CAMK1D: variants seen among roughly 807,000 people sequenced by gnomAD.
The protein encoded by CAMK1D is calcium/calmodulin-dependent protein kinase type 1D.
CAMK1D carries 9 observed loss-of-function variants against 47.7 expected under a neutral mutation model. The observed-to-expected ratio is 0.19, with a 90% CI of 0.11 to 0.33. The LOEUF (loss-of-function observed/expected upper bound fraction) is 0.33, where lower values mean the gene tolerates loss of function less well. Among genes scored for constraint, CAMK1D ranks in the 10% least tolerant of loss-of-function variants. The pLI is 1.00. For synonymous variants in CAMK1D, 184 were observed against 184.9 expected, an observed-to-expected ratio of 0.99 and a Z score of 0.04; for missense variants, 291 against 488.7, an observed-to-expected ratio of 0.60 and a Z score of 3.81.
chr10:12,407,079 C>T (rs1839460224), intron 1 of CAMK1D, among the ~76,000 whole-genome samples: 1 of 152,208 alleles, frequency 6.6e-6, no homozygotes, highest in South Asian at 2.1e-4. Flanking sequence ...TCTGTCCCTG[C>T]TGCCTATCAC....
At chr10:12,526,683 T>C (rs1208742876) in intron 1 of CAMK1D, among the ~76,000 whole-genome samples, 1 of 152,110 alleles carries the variant, frequency 6.6e-6, no homozygotes, top group Non-Finnish European at 1.5e-5. Flanking sequence ...TTTGGGAGGC[T>C]GAGGTAGGTG....
chr10:12,785,720 CA>C (rs1220087046), intron 5 of CAMK1D, among the ~76,000 whole-genome samples: 2 of 152,216 alleles, frequency 1.3e-5, no homozygotes, highest in African/African-American at 4.8e-5. Flanking sequence ...ACTGGTAACA[CA>C]ACACTGGCCG....
rs34911316 is a variant in CAMK1D at position 12,460,261 on chromosome 10, C to CTT, written c.93-92951_93-92950dup. On this transcript the variant is annotated intron_variant, in intron 1 of 10. Transcript: ENST00000619168. ...TTGTCGTATTTCCTATTTCTCTATTCTTTTTTTTTTTTTTGAAGAGATGGG... is the reference window on the plus strand; with the variant it reads ...TTGTCGTATTTCCTATTTCTCTATTCTTTTTTTTTTTTTTTTGAAGAGATGGG... 6.3e-4 allele frequency among the ~76,000 whole-genome samples: 89 copies of CTT among 142,102 alleles called. 2 individuals carry two copies. The highest frequency in any genetic ancestry group is 3.6e-3 in the Middle Eastern group (1 of 276). 93.2% of individuals were successfully genotyped at this position (142,102 alleles called of 152,430 possible).
At chr10:12,366,506 A>T (rs541951790) in intron 1 of CAMK1D, among the ~76,000 whole-genome samples, 1 of 151,864 alleles carries the variant, frequency 6.6e-6, no homozygotes, top group East Asian at 1.9e-4. Context: ...AATAAAAAAA[A>T]AAATTAGCCA....
chr10:12,424,896 C>T (rs138412067), intron 1 of CAMK1D, among the ~76,000 whole-genome samples: 93 of 152,268 alleles, frequency 6.1e-4, no homozygotes, highest in African/African-American at 2.1e-3. Context: ...ATAGAGGGTC[C>T]GACCATACGA....
chr10:12,797,898 CTG>C (rs781700135), intron 6 of CAMK1D, among the ~76,000 whole-genome samples: 12 of 152,148 alleles, frequency 7.9e-5, no homozygotes, highest in Non-Finnish European at 1.5e-4. Flanking sequence ...TCAAAATACT[CTG>C]GTGTCAGAGA....
intron 3 of CAMK1D, among the ~76,000 whole-genome samples, chr10:12,699,125 G>A (rs1037001267): frequency 6.6e-6 from 1 of 152,084 alleles, no homozygotes; most frequent in African/African-American, 2.4e-5. Flanking sequence ...TTATGGTGGC[G>A]AAGGACTCTC....
intron 3 of CAMK1D, among the ~76,000 whole-genome samples, chr10:12,715,737 T>G (rs2130767977): frequency 6.6e-6 from 1 of 151,448 alleles, no homozygotes; most frequent in East Asian, 1.9e-4. Flanking sequence ...TTTTTTTTTT[T>G]TTTTAGATGA....
At position 12,621,589 on chromosome 10, in the gene CAMK1D, CTTA is replaced by C. The variant is rs1476753269; in HGVS notation, c.225-45144_225-45142del. Among the ~76,000 whole-genome samples, 2 of 147,822 alleles carry C rather than the reference CTTA, an allele frequency of 1.4e-5. 1 individual carries two copies. The highest frequency in any genetic ancestry group is 4.5e-4 in the South Asian group (2 of 4,470). On this transcript the variant is annotated intron_variant, in intron 2 of 10. Transcript: ENST00000619168. ...CTTAGATTTATACCTAAGCATTTTC[CTTA>C]TTTTCAATGATTGTAAATGGCATTT...
chr10:12,818,149 A>G (rs1365722278), intron 8 of CAMK1D, among the ~76,000 whole-genome samples: 3 of 152,142 alleles, frequency 2.0e-5, no homozygotes, highest in South Asian at 2.1e-4. Context: ...GTGCCCCGCC[A>G]TCCTCTGTAG....
intron 3 of CAMK1D, among the ~76,000 whole-genome samples, chr10:12,717,425 A>G (rs1834188370): frequency 6.6e-6 from 1 of 152,176 alleles, no homozygotes; most frequent in South Asian, 2.1e-4. Context: ...TGGAAGAAAA[A>G]TAGGCGAAGT....
At chr10:12,828,334 AC>A in intron 10 of CAMK1D, among the ~76,000 whole-genome samples, 1 of 149,150 alleles carries the variant, frequency 6.7e-6, no homozygotes, top group South Asian at 2.2e-4. Context: ...AAATAGTCAC[AC>A]GGGTAAAAAT....
intron 8 of CAMK1D, among the ~76,000 whole-genome samples, chr10:12,821,180 T>C (rs1832998581): frequency 6.6e-6 from 1 of 152,202 alleles, no homozygotes; most frequent in African/African-American, 2.4e-5. Flanking sequence ...TTCCTGTTTT[T>C]CATGAGGGCC....
intron 2 of CAMK1D, among the ~76,000 whole-genome samples, chr10:12,614,091 C>G (rs1054053881): frequency 9.9e-5 from 15 of 152,090 alleles, no homozygotes; most frequent in Non-Finnish European, 2.1e-4. Flanking sequence ...GTTAAAAGAG[C>G]CAGACTGCCT....
chr10:12,701,561 T>G (rs1336500801), intron 3 of CAMK1D, among the ~76,000 whole-genome samples: 1 of 152,158 alleles, frequency 6.6e-6, no homozygotes, highest in Non-Finnish European at 1.5e-5. Context: ...CGATTTTGTT[T>G]AAGGCAGTGT....
intron 3 of CAMK1D, among the ~76,000 whole-genome samples, chr10:12,687,810 A>C (rs931497451): frequency 6.6e-6 from 1 of 152,214 alleles, no homozygotes; most frequent in South Asian, 2.1e-4. Flanking sequence ...TTTCCTCCCC[A>C]TTGATGAGCT....
intron 2 of CAMK1D, among the ~76,000 whole-genome samples, chr10:12,617,592 G>A (rs183067159): frequency 6.8e-4 from 103 of 152,338 alleles, no homozygotes; most frequent in Non-Finnish European, 1.2e-3. Flanking sequence ...GAGGAGAGAA[G>A]TAATTTTCTG....
chr10:12,827,311 C>CTTTTCTTTCTTTCT (rs376611391), intron 10 of CAMK1D, among the ~76,000 whole-genome samples: 67,515 of 123,164 alleles, frequency 0.55, 18,473 homozygotes, highest in East Asian at 0.62. Flanking sequence ...CTCTCTTTTT[C>CTTTTCTTTCTTTCT]TTTTCTTTCT....
At chr10:12,803,414 G>T (rs531002308) in intron 6 of CAMK1D, among the ~76,000 whole-genome samples, 31 of 152,304 alleles carry the variant, frequency 2.0e-4, no homozygotes, top group African/African-American at 7.5e-4. Flanking sequence ...GGTGGGTGTG[G>T]CTCACACCTG....
Sources: gnomAD v4.1 joint callset for allele counts (sites outside exome capture counted in the v4.1 genomes callset) on GRCh38, gnomAD v4.1.1 for gene constraint, MANE v1.5 for transcripts, NCBI Gene and HGNC (gene_info 2026-07-23, HGNC 2026-07-21) for gene names.